Variants in ANKRD44 observed in about 807,000 individuals in gnomAD.
The protein encoded by ANKRD44 is serine/threonine-protein phosphatase 6 regulatory ankyrin repeat subunit B.
Under a neutral mutation model 116.0 loss-of-function variants are expected in ANKRD44, and 35 were observed. The observed-to-expected ratio is 0.30, with a 90% CI of 0.23 to 0.40. The LOEUF (loss-of-function observed/expected upper bound fraction) is 0.40. Ranked by LOEUF, ANKRD44 falls within the 10% of genes least tolerant of loss-of-function variation. ANKRD44 has a pLI of 1.00. For synonymous variants in ANKRD44, 435 were observed against 461.8 expected, an observed-to-expected ratio of 0.94 and a Z score of 0.74; for missense variants, 1,014 against 1,242.6, an observed-to-expected ratio of 0.82 and a Z score of 2.77.
chr2:197,243,683 C>T (rs972331191), intron 1 of ANKRD44, among the ~76,000 whole-genome samples: 2 of 152,200 alleles, frequency 1.3e-5, no homozygotes, highest in Non-Finnish European at 2.9e-5. Context: ...CTGGTGAAGG[C>T]CTGTTCCTCA....
At chr2:197,028,081 C>T (rs368954518) in intron 16 of ANKRD44, among the ~76,000 whole-genome samples, 8 of 151,894 alleles carry the variant, frequency 5.3e-5, no homozygotes, top group African/African-American at 1.9e-4. Context: ...ATTAGTGACT[C>T]TGATAAAAGC....
chr2:197,306,641 A>G (rs1388531775), intron 1 of ANKRD44, among the ~76,000 whole-genome samples: 3 of 152,332 alleles, frequency 2.0e-5, no homozygotes, highest in East Asian at 3.9e-4. Flanking sequence ...CCAGTGCTCT[A>G]GGGAGCCATG....
rs1036780841 is a variant in ANKRD44 at position 197,061,550 on chromosome 2, G to A, written c.1650+17153C>T. ...GGGTGTCCTGTGTTCACCATGAGAA[G>A]TGCGTAGAGCTCATGGGAAACATGC... On this transcript the variant is annotated intron_variant, in intron 16 of 27. Transcript: ENST00000282272. 5.9e-5 allele frequency among the ~76,000 whole-genome samples: 9 copies of A among 152,330 alleles called. No individual in the cohort carries two copies. In the East Asian group the frequency reaches 1.7e-3, roughly 29 times the overall value.
intron 8 of ANKRD44, among the ~76,000 whole-genome samples, chr2:197,111,701 AT>A (rs750413487): frequency 6.5e-4 from 13 of 20,126 alleles, no homozygotes; most frequent in Admixed American, 4.6e-3. Context: ...TTATAATTCC[AT>A]TTAAAAAAAA....
chr2:197,025,681 T>G (rs1185371659), intron 16 of ANKRD44, among the ~76,000 whole-genome samples: 1 of 152,198 alleles, frequency 6.6e-6, no homozygotes, highest in Non-Finnish European at 1.5e-5. Context: ...AAATGATCTG[T>G]GCTGTAATGA....
chr2:197,108,523 T>C lies in ANKRD44; in HGVS notation c.985+2243A>G, dbSNP rs186888341. Among the ~76,000 whole-genome samples the C allele has an allele frequency of 2.8e-3, 419 of 152,208 alleles. 2 individuals are homozygous for C. Among genetic ancestry groups the C allele is most frequent in the African/African-American group, 9.5e-3 (394 of 41,520 alleles). ...CACAGAGGATAAGAGACAGGGTCTC[T>C]TTTAGGTCTCCCCCAACTCAAAAGT... On this transcript the variant is annotated intron_variant, in intron 9 of 27. Coordinates refer to ENST00000282272, the MANE Select transcript of ANKRD44 (RefSeq NM_001195144.2).
intron 3 of ANKRD44, among the ~76,000 whole-genome samples, chr2:197,137,177 TA>T (rs2079239464): frequency 6.6e-6 from 1 of 152,198 alleles, no homozygotes; most frequent in African/African-American, 2.4e-5. Flanking sequence ...ACATCTGATA[TA>T]AGCTTCCTTT....
At chr2:197,120,493 T>C (rs2078826598) in intron 8 of ANKRD44, among the ~76,000 whole-genome samples, 2 of 151,870 alleles carry the variant, frequency 1.3e-5, no homozygotes, top group African/African-American at 2.4e-5. Context: ...CTACTAATAA[T>C]ACAAAAAATT....
At position 196,989,190 on chromosome 2, in the gene ANKRD44, T is replaced by C; in HGVS notation, c.*401A>G. 1 of 979,444 alleles carries C rather than the reference T, an allele frequency of 1.0e-6. No individual in the cohort carries two copies. The highest frequency in any genetic ancestry group is 1.2e-6 in the Non-Finnish European group (1 of 826,728). 60.7% of individuals were successfully genotyped at this position (979,444 alleles called of 1,614,324 possible). The stretch of plus-strand genomic sequence containing the variant: ...CATAGCAATTAAAATAGAGAACAAA[T>C]AATGGATGTTTCCTCACCATTTGTT... On this transcript the variant is annotated 3_prime_UTR_variant, in exon 28 of 28. Transcript: ENST00000282272.
rs528722513 is a variant in ANKRD44, at chr2:197,178,258, G to T, written c.111+8765C>A. Among the ~76,000 whole-genome samples, 7 of 152,220 alleles carry T rather than the reference G, an allele frequency of 4.6e-5. No homozygotes were observed. In the South Asian group the frequency reaches 1.5e-3, roughly 32 times the overall value. ...GGCCAAAACAGGAGGATAACTTGAG[G>T]CCAGAAGTTTGAGACGAGCCTGGGC... On this transcript the variant is annotated intron_variant, in intron 2 of 27. Coordinates refer to ENST00000282272, the MANE Select transcript of ANKRD44 (RefSeq NM_001195144.2).
intron 16 of ANKRD44, among the ~76,000 whole-genome samples, chr2:197,031,085 C>T (rs372769133): frequency 2.8e-4 from 43 of 152,240 alleles, no homozygotes; most frequent in East Asian, 2.3e-3. Context: ...TCTACTTTAC[C>T]TCTTTTTCTC....
In ANKRD44 at chr2:196,995,987, T is replaced by C. The variant is rs191961669; in HGVS notation, c.2749-526A>G. Among the ~76,000 whole-genome samples the C allele has an allele frequency of 1.9e-3, 287 of 152,384 alleles. 1 individual carries two copies. Among genetic ancestry groups the C allele is most frequent in the African/African-American group, 6.7e-3 (280 of 41,586 alleles). On this transcript the variant is annotated intron_variant, in intron 25 of 27. Coordinates refer to ENST00000282272, the MANE Select transcript of ANKRD44 (RefSeq NM_001195144.2). The stretch of plus-strand genomic sequence containing the variant: ...GAAAACTCATTGTTTTCTTCTTCAA[T>C]CAGTGGAAGATATCTCTGTACCTTA...
Position 197,203,154 on chromosome 2 carries a change from A to G in ANKRD44, c.28-16048T>C, listed in dbSNP as rs571715423. Among the ~76,000 whole-genome samples, 174 of 152,326 alleles carry G rather than the reference A, an allele frequency of 1.1e-3. 1 individual carries two copies. Among genetic ancestry groups the G allele is most frequent in the African/African-American group, 4.0e-3 (166 of 41,574 alleles). ...TCCCTCTTCAGGGAGGCTGTCCTAT[A>G]GAAATAATGAGATATACAGACAATT... On this transcript the variant is annotated intron_variant, in intron 1 of 27. Coordinates refer to ENST00000282272, the MANE Select transcript of ANKRD44 (RefSeq NM_001195144.2). This position sits in a 1 kb window ranked among gnomAD's most constrained non-coding sequence, Gnocchi z 4.1.
intron 1 of ANKRD44, among the ~76,000 whole-genome samples, chr2:197,277,236 G>A (rs773086411): frequency 1.6e-4 from 25 of 151,892 alleles, no homozygotes; most frequent in Non-Finnish European, 2.6e-4. Context: ...TCCTCTTCTC[G>A]GTTTGGTACC....
intron 13 of ANKRD44, among the ~76,000 whole-genome samples, chr2:197,083,904 T>G (rs921345854): frequency 3.3e-5 from 5 of 152,196 alleles, no homozygotes; most frequent in African/African-American, 1.2e-4. Context: ...CAAGGCCATC[T>G]ACCATGGATC....
At chr2:197,222,602 T>C (rs1271227535) in intron 1 of ANKRD44, among the ~76,000 whole-genome samples, 1 of 152,104 alleles carries the variant, frequency 6.6e-6, no homozygotes, top group Admixed American at 6.6e-5. Context: ...CTGGAGAAGT[T>C]TGGGAGAAAG....
chr2:197,189,900 G>A (rs1020860745), intron 1 of ANKRD44, among the ~76,000 whole-genome samples: 1 of 152,278 alleles, frequency 6.6e-6, no homozygotes, highest in Middle Eastern at 3.4e-3. Context: ...CATACATTCT[G>A]TTGCATTCAC....
At chr2:197,278,295 T>A in intron 1 of ANKRD44, among the ~76,000 whole-genome samples, 1 of 114,248 alleles carries the variant, frequency 8.8e-6, no homozygotes, top group South Asian at 2.3e-4. Context: ...ATGAAATCCA[T>A]CTTTTTTTCT....
chr2:197,209,310 G>C (rs2081276891), intron 1 of ANKRD44, among the ~76,000 whole-genome samples: 1 of 152,182 alleles, frequency 6.6e-6, no homozygotes, highest in Non-Finnish European at 1.5e-5. Flanking sequence ...TTGGCATCCT[G>C]CTTCAGCCCT....
Sources: allele counts gnomAD v4.1 joint callset (sites outside exome capture counted in the v4.1 genomes callset), GRCh38; gene constraint gnomAD v4.1.1; non-coding constraint Gnocchi (gnomAD v3.1); transcripts MANE v1.5; gene names NCBI Gene and HGNC (gene_info 2026-07-23, HGNC 2026-07-21).